The following SSB variants were observed in gnomAD, a reference collection of about 807,000 sequenced individuals.
SSB encodes the protein lupus La protein.
SSB carries 17 observed loss-of-function variants against 52.9 expected under a neutral mutation model. The ratio of observed to expected loss-of-function variants is 0.32; its 90% confidence interval spans 0.22 to 0.48. SSB has a LOEUF of 0.48. Among genes scored for constraint, SSB ranks in the 20% least tolerant of loss-of-function variants. The pLI is 0.99. For synonymous variants in SSB, 111 were observed against 152.1 expected, an observed-to-expected ratio of 0.73 and a Z score of 1.99; for missense variants, 314 against 463.6, an observed-to-expected ratio of 0.68 and a Z score of 2.96.
intron 6 of SSB, among the ~76,000 whole-genome samples, chr2:169,807,515 C>T (rs1689853266): frequency 6.6e-6 from 1 of 152,116 alleles, no homozygotes; most frequent in Non-Finnish European, 1.5e-5. Flanking sequence ...TCTTGAACTC[C>T]TGACTTCAGA....
chr2:169,804,738 G>GT (rs1285017389), intron 2 of SSB, among the ~76,000 whole-genome samples: 1 of 152,074 alleles, frequency 6.6e-6, no homozygotes, highest in African/African-American at 2.4e-5. Context: ...TAGAGACGGG[G>GT]TTTGACCATG....
At chr2:169,801,140 A>G (rs1483730145) in intron 2 of SSB, 114 bp downstream of exon 2, 1 of 787,780 alleles carries the variant, frequency 1.3e-6, no homozygotes, top group East Asian at 2.8e-5. Flanking sequence ...TTTGATTCTT[A>G]GATGAACATA....
intron 11 of SSB, 129 bp downstream of exon 11, chr2:169,811,452 C>T (rs572107935): frequency 2.7e-5 from 35 of 1,298,178 alleles, no homozygotes; most frequent in Middle Eastern, 2.1e-4. Flanking sequence ...GGATTATTAA[C>T]GATTTACCTC....
At chr2:169,801,989 C>G (rs539357100) in intron 2 of SSB, among the ~76,000 whole-genome samples, 10 of 152,116 alleles carry the variant, frequency 6.6e-5, no homozygotes, top group African/African-American at 2.4e-4. Flanking sequence ...AGAGACCAGC[C>G]TGGGCAACAT....
chr2:169,803,793 A>G (rs558334561), intron 2 of SSB, among the ~76,000 whole-genome samples: 4 of 151,930 alleles, frequency 2.6e-5, no homozygotes, highest in Admixed American at 1.3e-4. Flanking sequence ...GCTGGAGTAC[A>G]GTGGCGGTGA....
intron 1 of SSB, among the ~76,000 whole-genome samples, 184 bp from the exon 2 acceptor site, chr2:169,800,768 A>G (rs1689696658): frequency 1.3e-5 from 2 of 152,188 alleles, no homozygotes; most frequent in Admixed American, 6.5e-5. Context: ...AGATTTTTTC[A>G]TCACTTATTC....
intron 6 of SSB, among the ~76,000 whole-genome samples, chr2:169,807,625 AC>A (rs1310141366): frequency 1.3e-5 from 2 of 151,776 alleles, no homozygotes; most frequent in Non-Finnish European, 2.9e-5. Flanking sequence ...ATGTTTTAAT[AC>A]TGATTTTGCA....
Position 169,798,979 on chromosome 2 carries a change from G to A in SSB, c.-10+3G>A, listed in dbSNP as rs1279190539. ...TTCTGTGGGCCGGAACCTTAAAGGT[G>A]AGTAACTCTCGGTGGCTAATGAGAA... On this transcript the variant is annotated splice_donor_region_variant and intron_variant, in intron 1 of 11. Transcript: ENST00000260956. 1.3e-5 allele frequency: 2 copies of A among 152,182 alleles called. No individual in the cohort carries two copies. The highest frequency in any genetic ancestry group is 2.9e-5 in the Non-Finnish European group (2 of 68,074). The allele number at this position is 152,182 out of a possible 1,614,324, so 9.4% of individuals were successfully genotyped here.
intron 5 of SSB, 29 bp from the exon 6 acceptor site, chr2:169,806,942 T>A: frequency 6.2e-7 from 1 of 1,610,312 alleles, no homozygotes; most frequent in Non-Finnish European, 8.5e-7. Flanking sequence ...GGACATAACT[T>A]AAAAAAATAT....
At chr2:169,802,743 A>T (rs754194348) in intron 2 of SSB, among the ~76,000 whole-genome samples, 1 of 152,180 alleles carries the variant, frequency 6.6e-6, no homozygotes, top group Admixed American at 6.5e-5. Flanking sequence ...GAGATTTTCC[A>T]TATATCCCCT....
At chr2:169,800,481 C>T (rs1438293703) in intron 1 of SSB, among the ~76,000 whole-genome samples, 3 of 135,978 alleles carry the variant, frequency 2.2e-5, no homozygotes, top group Non-Finnish European at 3.0e-5. Context: ...TTGCAGTGAG[C>T]CGAGATCGCA....
At chr2:169,810,186 C>T (rs1689918196) in intron 8 of SSB, 97 bp from the exon 9 acceptor site, 1 of 832,578 alleles carries the variant, frequency 1.2e-6, no homozygotes, top group Non-Finnish European at 1.7e-6. Context: ...ATTTTGGTTT[C>T]TAGTCTTTTT....
rs369277813 is a variant in SSB at position 169,806,906 on chromosome 2, G to A, written c.453+14G>A. ...AAAGCATTTAAGGTATGATAATACA[G>A]ACTTTTTCTAGTTTTAAAATATATG... On this transcript the variant is annotated intron_variant, in intron 5 of 11. Transcript: ENST00000260956. 2 of 1,608,612 alleles carry A rather than the reference G, an allele frequency of 1.2e-6. No individual in the cohort carries two copies. Among genetic ancestry groups the A allele is most frequent in the African/African-American group, 2.7e-5 (2 of 74,586 alleles).
At chr2:169,800,220 C>T (rs1039304984) in intron 1 of SSB, among the ~76,000 whole-genome samples, 5 of 152,106 alleles carry the variant, frequency 3.3e-5, no homozygotes, top group African/African-American at 7.2e-5. Flanking sequence ...TTGGGTAAGT[C>T]AGTTGTGACT....
intron 2 of SSB, among the ~76,000 whole-genome samples, chr2:169,804,610 A>G (rs1174442855): frequency 1.3e-5 from 2 of 151,714 alleles, no homozygotes; most frequent in East Asian, 1.9e-4. Flanking sequence ...CAGTGGCACA[A>G]TCTTGGCTCA....
At chr2:169,805,874 A>C (rs1240774416) in intron 4 of SSB, 35 bp downstream of exon 4, 2 of 1,577,470 alleles carry the variant, frequency 1.3e-6, no homozygotes, top group African/African-American at 1.4e-5. Context: ...AATATCTTAC[A>C]TTTATTTAGA....
intron 2 of SSB, among the ~76,000 whole-genome samples, chr2:169,802,084 C>T (rs1439996366): frequency 6.6e-6 from 1 of 151,848 alleles, no homozygotes; most frequent in Non-Finnish European, 1.5e-5. Flanking sequence ...ACTTGGGAAG[C>T]TGAGGTGGGA....
chr2:169,801,318 T>A (rs1365436178), intron 2 of SSB, among the ~76,000 whole-genome samples: 1 of 152,124 alleles, frequency 6.6e-6, no homozygotes, highest in Non-Finnish European at 1.5e-5. Context: ...ATGAGAATAA[T>A]AGTAGTTCCC....
chr2:169,808,640 G>C, intron 7 of SSB, 87 bp downstream of exon 7: 1 of 1,272,028 alleles, frequency 7.9e-7, no homozygotes, highest in Non-Finnish European at 1.1e-6. Context: ...AATAGTGGCA[G>C]TAGACCTTTC....
Sources: gnomAD v4.1 joint callset for allele counts (sites outside exome capture counted in the v4.1 genomes callset) on GRCh38, gnomAD v4.1.1 for gene constraint, MANE v1.5 for transcripts, NCBI Gene and HGNC (gene_info 2026-07-23, HGNC 2026-07-21) for gene names.